Variants in PRKAB2 observed in about 807,000 individuals in gnomAD.
The protein encoded by PRKAB2 is 5'-AMP-activated protein kinase subunit beta-2.
A neutral mutation model predicts 29.8 loss-of-function variants in PRKAB2; 18 were observed. The observed-to-expected ratio is 0.60, with a 90% CI of 0.42 to 0.89. The LOEUF is 0.89. Among genes scored for constraint, PRKAB2 ranks in the 40% least tolerant of loss-of-function variants. PRKAB2 has a pLI of 0.00. For missense variants in PRKAB2, 270 were observed against 344.3 expected (o/e 0.78, Z 1.71); for synonymous variants, 136 against 125.9 (o/e 1.08, Z -0.54).
In PRKAB2 at chr1:147,172,016, G is replaced by T; in HGVS notation, c.129C>A (p.Pro43=). ...HKIMVGSTDD[P]SVFSLPDSKL... ...TGGAGTCAGGGAGGCTGAACACGCT[G>T]GGGTCGTCCGTACTCCCCACCATGA... Residue 43 remains proline (P), a synonymous_variant, in exon 2 of 8, where the codon CCC becomes CCA. Coordinates refer to ENST00000254101, the MANE Select transcript of PRKAB2 (RefSeq NM_005399.5). The T allele has an allele frequency of 6.3e-7, 1 of 1,599,764 alleles. No homozygotes were observed. Among genetic ancestry groups the T allele is most frequent in the East Asian group, 2.3e-5 (1 of 43,806 alleles).
Position 147,167,794 on chromosome 1 carries a change from CA to C in PRKAB2, c.295del (p.Trp99GlyfsTer7). 6.2e-7 allele frequency: 1 copy of C among 1,613,862 alleles called. No homozygotes were observed. The highest frequency in any genetic ancestry group is 8.5e-7 in the Non-Finnish European group (1 of 1,179,888). On this transcript the variant is annotated frameshift_variant, in exon 3 of 8. Coordinates refer to ENST00000254101, the MANE Select transcript of PRKAB2 (RefSeq NM_005399.5). LOFTEE classifies it high-confidence loss of function. ...CTTAATCAGTGGAATCTTGGTGCTC[CA>C]ATTGTTGAAGGACCCAGAGATGAAG... ...EVFISGSFNNWSTKIPLIKSH... is the reference protein window; with the variant it reads ...EVFISGSFNNXSTKIPLIKSH...
chr1:147,162,399 T>C (rs1463817564), intron 6 of PRKAB2, 41 bp downstream of exon 6: 2 of 1,579,628 alleles, frequency 1.3e-6, no homozygotes, highest in Non-Finnish European at 1.7e-6. Flanking sequence ...CAAATGGTCC[T>C]AGACACCCCC....
intron 2 of PRKAB2, among the ~76,000 whole-genome samples, chr1:147,169,255 T>A (rs1553914048): frequency 1.3e-5 from 2 of 152,180 alleles, no homozygotes; most frequent in African/African-American, 4.8e-5. Flanking sequence ...CTTCCCTCCA[T>A]ACATTCTCTT....
chr1:147,164,934 C>T (rs587652742), intron 5 of PRKAB2, among the ~76,000 whole-genome samples: 40 of 152,254 alleles, frequency 2.6e-4, no homozygotes, highest in African/African-American at 8.9e-4. Flanking sequence ...ATTTTAAAAC[C>T]CTTTTAAATT....
At position 147,161,787 on chromosome 1, in the gene PRKAB2, G is replaced by C; in HGVS notation, c.673-7C>G. On this transcript the variant is annotated splice_polypyrimidine_tract_variant and splice_region_variant and intron_variant, in intron 6 of 7. Transcript: ENST00000254101. ...GGAGTAAGGCTGGGTCACACTAAGAGAAAGAGAAAAAAATTACTAAAAAAA... is the reference window on the plus strand; with the variant it reads ...GGAGTAAGGCTGGGTCACACTAAGACAAAGAGAAAAAAATTACTAAAAAAA... 13 of 1,595,474 alleles carry C rather than the reference G, an allele frequency of 8.1e-6. No homozygotes were observed. Among genetic ancestry groups the C allele is most frequent in the Non-Finnish European group, 1.0e-5 (12 of 1,171,262 alleles).
intron 1 of PRKAB2, 113 bp from the exon 2 acceptor site, chr1:147,172,280 A>T: frequency 8.1e-7 from 1 of 1,242,032 alleles, no homozygotes; most frequent in Non-Finnish European, 1.1e-6. Context: ...GCCCCAGGGA[A>T]GCCGAGCCCT....
chr1:147,167,144 T>G (rs1418742860), intron 3 of PRKAB2, among the ~76,000 whole-genome samples: 1 of 152,212 alleles, frequency 6.6e-6, no homozygotes, highest in Non-Finnish European at 1.5e-5. Context: ...CCAACAACGT[T>G]AGTTCTTAAC....
At chr1:147,168,061 C>G (rs1309939112) in intron 2 of PRKAB2, 128 bp from the exon 3 acceptor site, 8 of 996,376 alleles carry the variant, frequency 8.0e-6, no homozygotes, top group Non-Finnish European at 1.0e-5. Context: ...AAATTAGCAA[C>G]TAAATCAGAG....
chr1:147,171,782 G>A (rs1654618054), intron 2 of PRKAB2, among the ~76,000 whole-genome samples: 1 of 152,144 alleles, frequency 6.6e-6, no homozygotes. Context: ...AGAACACCAG[G>A]AAAGCAAGAA....
At chr1:147,164,412 G>A (rs1654131068) in intron 5 of PRKAB2, among the ~76,000 whole-genome samples, 1 of 152,114 alleles carries the variant, frequency 6.6e-6, no homozygotes, top group Non-Finnish European at 1.5e-5. Context: ...CATATAAAAT[G>A]TATTGAAACA....
intron 5 of PRKAB2, among the ~76,000 whole-genome samples, chr1:147,165,785 CA>C (rs1468081517): frequency 4.0e-5 from 6 of 151,458 alleles, no homozygotes; most frequent in Non-Finnish European, 5.9e-5. Flanking sequence ...ACAGAATTGT[CA>C]GGGGGCAGGG....
intron 2 of PRKAB2, among the ~76,000 whole-genome samples, chr1:147,170,425 G>T (rs1433066393): frequency 2.0e-5 from 3 of 152,082 alleles, no homozygotes; most frequent in African/African-American, 7.2e-5. Context: ...CATAGGAAAA[G>T]GGTAAAAATA....
Position 147,172,136 on chromosome 1 carries a change from G to A in PRKAB2, c.9C>T (p.Asn3=). The A allele has an allele frequency of 6.5e-7, 1 of 1,549,874 alleles. No homozygotes were observed. The highest frequency in any genetic ancestry group is 1.2e-5 in the South Asian group (1 of 84,006). ...CCCCGGACACCCGGTCGCTGGTGGT[G>A]TTTCCCATGGCTGCAGCTCGTCGGG... MG[N]TTSDRVSGER... is the part of the protein sequence containing the mutation. Residue 3 remains asparagine (N), a synonymous_variant, in exon 2 of 8, where the codon AAC becomes AAT. Transcript: ENST00000254101.
intron 1 of PRKAB2, 25 bp from the exon 2 acceptor site, chr1:147,172,192 T>C (rs1654675882): frequency 6.7e-7 from 1 of 1,502,550 alleles, no homozygotes; most frequent in Non-Finnish European, 8.9e-7. Context: ...GACACCGGGC[T>C]GGGAACACCT....
chr1:147,162,081 A>T (rs1653995275), intron 6 of PRKAB2, among the ~76,000 whole-genome samples: 1 of 152,200 alleles, frequency 6.6e-6, no homozygotes, highest in Non-Finnish European at 1.5e-5. Flanking sequence ...ACAAGGCAAA[A>T]ACAATCATAG....
At chr1:147,162,978 G>C (rs1036246058) in intron 5 of PRKAB2, among the ~76,000 whole-genome samples, 1 of 152,142 alleles carries the variant, frequency 6.6e-6, no homozygotes, top group South Asian at 2.1e-4. Flanking sequence ...AAGATGCCTT[G>C]TAACTTTCAA....
At position 147,163,353 on chromosome 1, in the gene PRKAB2, A is replaced by T. The variant is rs114303427; in HGVS notation, c.539-780T>A. Reference sequence around the variant, plus strand: ...AGCATTATACACTGGGTATATACCCAAAAGAAATGAAAACATATGTCTACA... The same window carrying T: ...AGCATTATACACTGGGTATATACCCTAAAGAAATGAAAACATATGTCTACA... On this transcript the variant is annotated intron_variant, in intron 5 of 7. Transcript: ENST00000254101. 3.8e-3 allele frequency among the ~76,000 whole-genome samples: 578 copies of T among 152,354 alleles called. 1 individual carries two copies. Among genetic ancestry groups the T allele is most frequent in the African/African-American group, 0.013 (552 of 41,586 alleles).
intron 5 of PRKAB2, among the ~76,000 whole-genome samples, chr1:147,163,160 A>G (rs1297185344): frequency 6.6e-6 from 1 of 152,232 alleles, no homozygotes; most frequent in Non-Finnish European, 1.5e-5. Flanking sequence ...ACTCACTAGG[A>G]CAGCTAAAAT....
Position 147,158,760 on chromosome 1 carries a change from G to T in PRKAB2, c.*805C>A, listed in dbSNP as rs1653797932. The T allele has an allele frequency of 6.6e-6, 1 of 152,130 alleles. No individual in the cohort carries two copies. The highest frequency in any genetic ancestry group is 2.1e-4 in the South Asian group (1 of 4,830). The allele number at this position is 152,130 out of a possible 1,614,324, so 9.4% of individuals were successfully genotyped here. ...CTTGGCACCAAACTAAAACAAAAATGTAGGTGTTCTGCATTCTGCCTTTCT... is the reference window on the plus strand; with the variant it reads ...CTTGGCACCAAACTAAAACAAAAATTTAGGTGTTCTGCATTCTGCCTTTCT... On this transcript the variant is annotated 3_prime_UTR_variant, in exon 8 of 8. Transcript: ENST00000254101.
Sources: gnomAD v4.1 joint callset for allele counts (sites outside exome capture counted in the v4.1 genomes callset) on GRCh38, gnomAD v4.1.1 for gene constraint, MANE v1.5 for transcripts, NCBI Gene and HGNC (gene_info 2026-07-23, HGNC 2026-07-21) for gene names.